STEAP2: variants seen among roughly 807,000 people sequenced by gnomAD.
The protein encoded by STEAP2 is metalloreductase STEAP2.
In STEAP2, 30 loss-of-function variants were observed where a neutral mutation model predicts 46.4. The ratio of observed to expected loss-of-function variants is 0.65; its 90% confidence interval spans 0.48 to 0.88. The LOEUF is 0.88. Among genes scored for constraint, STEAP2 ranks in the 40% least tolerant of loss-of-function variants. The probability of loss-of-function intolerance (pLI) is 0.00; values close to 1 mark genes in which losing one functional copy is unlikely to be tolerated. For synonymous variants in STEAP2, 180 were observed against 200.5 expected (o/e 0.90, Z 0.86); for missense variants, 513 against 579.3 (o/e 0.89, Z 1.18).
At position 90,236,647 on chromosome 7, in the gene STEAP2, G is replaced by T; in HGVS notation, c.*4023G>T. ...TTTTAGTATGAGAAAATTATACAGT[G>T]CTTAATTTTCAGAGATTCTTTCCAT... On this transcript the variant is annotated 3_prime_UTR_variant, in exon 6 of 6. Coordinates refer to ENST00000394621, the MANE Select transcript of STEAP2 (RefSeq NM_001244944.2). 1 of 1,244,582 alleles carries T rather than the reference G, an allele frequency of 8.0e-7. No individual in the cohort carries two copies. Among genetic ancestry groups the T allele is most frequent in the East Asian group, 3.8e-5 (1 of 26,300 alleles). The allele number at this position is 1,244,582 out of a possible 1,614,324, so 77.1% of individuals were successfully genotyped here.
intron 1 of STEAP2, chr7:90,215,277 C>T (rs140111304): frequency 6.6e-6 from 1 of 152,276 alleles, no homozygotes. Context: ...GTGGACAGCC[C>T]TTTCAGAGTT....
rs184224039 is a variant in STEAP2, at chr7:90,236,969, C to T, written c.*4345C>T. ...CCTATTGACTCTACTTCTTTAAAAG[C>T]GGCTGCCCATTACATTCCTCAGCTG... On this transcript the variant is annotated 3_prime_UTR_variant, in exon 6 of 6. Transcript: ENST00000394621. The T allele has an allele frequency of 9.5e-5, 153 of 1,613,756 alleles. No homozygotes were observed. In the East Asian group the frequency reaches 2.4e-3, roughly 26 times the overall value.
chr7:90,229,640 G>A (rs1477314815), intron 4 of STEAP2, among the ~76,000 whole-genome samples: 2 of 152,228 alleles, frequency 1.3e-5, no homozygotes, highest in East Asian at 1.9e-4. Flanking sequence ...ATTCTAGCAC[G>A]TATACAAGGA....
At chr7:90,219,753 G>A (rs768749849) in intron 2 of STEAP2, among the ~76,000 whole-genome samples, 3 of 152,024 alleles carry the variant, frequency 2.0e-5, no homozygotes, top group Non-Finnish European at 4.4e-5. Context: ...TAGGAGACAG[G>A]GTCTTGCTCT....
intron 5 of STEAP2, 111 bp downstream of exon 5, chr7:90,230,147 T>C (rs981636702): frequency 2.0e-6 from 3 of 1,527,244 alleles, no homozygotes; most frequent in African/African-American, 1.4e-5. Context: ...AGGCTGTATT[T>C]ATGCATCTAG....
chr7:90,232,410 AG>A lies in STEAP2; in HGVS notation c.1261del (p.Glu421LysfsTer22), dbSNP rs1442167551. 1 of 1,613,334 alleles carries A rather than the reference AG, an allele frequency of 6.2e-7. No homozygotes were observed. Among genetic ancestry groups the A allele is most frequent in the East Asian group, 2.2e-5 (1 of 44,872 alleles). The stretch of plus-strand genomic sequence containing the variant: ...ATTTATGGATGGAAACGAGCTTTTG[AG>A]GAAGAGTACTACAGATTTTATACAC... The part of the protein sequence containing the change: ...VLIYGWKRAF[E>X]EEYYRFYTPP... On this transcript the variant is annotated frameshift_variant, in exon 6 of 6. Transcript: ENST00000394621. LOFTEE classifies it high-confidence loss of function.
downstream of STEAP2, among the ~76,000 whole-genome samples, chr7:90,237,922 CTTA>C (rs1220869164): frequency 6.6e-6 from 1 of 151,858 alleles, no homozygotes; most frequent in Admixed American, 6.6e-5. Flanking sequence ...GAAATTTTGT[CTTA>C]TTTACTACTA....
chr7:90,235,271 G>A lies in STEAP2; in HGVS notation c.*2647G>A, dbSNP rs561466908. ...TTCAAATGGCACTATCTTCTTTTCA[G>A]TACTACAAAAACAGAATAATTTTGA... On this transcript the variant is annotated 3_prime_UTR_variant, in exon 6 of 6. Coordinates refer to ENST00000394621, the MANE Select transcript of STEAP2 (RefSeq NM_001244944.2). The A allele has an allele frequency of 3.3e-5, 32 of 978,252 alleles. No individual in the cohort carries two copies. In the Admixed American group the frequency reaches 4.9e-4, roughly 15 times the overall value. The allele number at this position is 978,252 out of a possible 1,614,324, so 60.6% of individuals were successfully genotyped here. A position where few individuals can be genotyped will look rare whatever the true frequency, so the allele number is the denominator to read the frequency against.
Position 90,227,022 on chromosome 7 carries a change from G to T in STEAP2, c.544G>T (p.Ala182Ser), listed in dbSNP as rs138677634. ...IQARQQVIEL[A>S]RQLNFIPIDL... ...AGCGCGACAACAGGTTATTGAACTT[G>T]CCCGCCAGTTGAATTTCATTCCCAT... The change falls in exon 4 of 6, where the codon GCC (alanine) becomes TCC (serine). Residue 182 changes from alanine (A) to serine (S), a missense_variant. Coordinates refer to ENST00000394621, the MANE Select transcript of STEAP2 (RefSeq NM_001244944.2). The T allele has an allele frequency of 6.0e-5, 97 of 1,611,156 alleles. No individual in the cohort carries two copies. In the African/African-American group the frequency reaches 1.2e-3, roughly 20 times the overall value.
At position 90,225,074 on chromosome 7, in the gene STEAP2, G is replaced by C. The variant is rs754835961; in HGVS notation, c.-9G>C. 1.9e-6 allele frequency: 3 copies of C among 1,611,152 alleles called. No individual in the cohort carries two copies. Among genetic ancestry groups the C allele is most frequent in the Non-Finnish European group, 2.5e-6 (3 of 1,178,580 alleles). On this transcript the variant is annotated 5_prime_UTR_variant, in exon 3 of 6. Coordinates refer to ENST00000394621, the MANE Select transcript of STEAP2 (RefSeq NM_001244944.2). ...GGATATTCTTGGTGATCTTGGAAGT[G>C]TCCGTATCATGGAATCAATCTCTAT...
Position 90,234,632 on chromosome 7 carries a change from G to T in STEAP2, c.*2008G>T, listed in dbSNP as rs554696520. On this transcript the variant is annotated 3_prime_UTR_variant, in exon 6 of 6. Transcript: ENST00000394621. ...GTGGCACGATCTCGGCTCACTGCAAGCTCTGCCTCCCGGGTTCACGCCATT... is the reference window on the plus strand; with the variant it reads ...GTGGCACGATCTCGGCTCACTGCAATCTCTGCCTCCCGGGTTCACGCCATT... 8.2e-6 allele frequency: 6 copies of T among 735,976 alleles called. No individual in the cohort carries two copies. In the East Asian group the frequency reaches 6.9e-4, roughly 85 times the overall value. 45.6% of individuals were successfully genotyped at this position (735,976 alleles called of 1,614,324 possible).
At chr7:90,219,401 A>G in intron 2 of STEAP2, among the ~76,000 whole-genome samples, 1 of 152,106 alleles carries the variant, frequency 6.6e-6, no homozygotes. Context: ...CCATTTCAAA[A>G]TAATGATAGC....
intron 2 of STEAP2, among the ~76,000 whole-genome samples, chr7:90,223,684 A>G (rs181767470): frequency 2.0e-4 from 30 of 152,320 alleles, no homozygotes; most frequent in African/African-American, 7.2e-4. Flanking sequence ...GATTTCATAC[A>G]TATTATATAA....
chr7:90,225,307 T>C lies in STEAP2; in HGVS notation c.225T>C (p.Asp75=). The C allele has an allele frequency of 6.2e-7, 1 of 1,614,036 alleles. No individual in the cohort carries two copies. The highest frequency in any genetic ancestry group is 8.5e-7 in the Non-Finnish European group (1 of 1,179,964). Residue 75 remains aspartate, a synonymous_variant, in exon 3 of 6, where the codon GAT becomes GAC. Coordinates refer to ENST00000394621, the MANE Select transcript of STEAP2 (RefSeq NM_001244944.2). ...FASEFFPHVV[D]VTHHEDALTK... Reference sequence around the variant, plus strand: ...CTGAATTTTTTCCTCATGTGGTAGATGTCACTCATCATGAAGATGCTCTCA... The same window carrying C: ...CTGAATTTTTTCCTCATGTGGTAGACGTCACTCATCATGAAGATGCTCTCA...
intron 3 of STEAP2, 138 bp from the exon 4 acceptor site, chr7:90,226,833 A>T (rs1795506602): frequency 2.5e-6 from 2 of 790,352 alleles, no homozygotes; most frequent in South Asian, 4.1e-5. Flanking sequence ...TCTGTTAGAT[A>T]CTATAATATA....
chr7:90,211,999 T>A lies in STEAP2; in HGVS notation c.-193T>A, dbSNP rs971963543. 3 of 152,402 alleles carry A rather than the reference T, an allele frequency of 2.0e-5. No homozygotes were observed. Among genetic ancestry groups the A allele is most frequent in the African/African-American group, 7.2e-5 (3 of 41,456 alleles). The allele number at this position is 152,402 out of a possible 1,614,324, so 9.4% of individuals were successfully genotyped here. ...GGAGTCGGCGCCGCTCCCGGGGAGC[T>A]GCAAGGCTCGCCCCTGCCCGGCGTG... On this transcript the variant is annotated 5_prime_UTR_variant, in exon 1 of 6. Coordinates refer to ENST00000394621, the MANE Select transcript of STEAP2 (RefSeq NM_001244944.2).
downstream of STEAP2, among the ~76,000 whole-genome samples, chr7:90,239,455 T>C (rs1796033225): frequency 3.3e-5 from 5 of 152,194 alleles, no homozygotes; most frequent in Admixed American, 2.0e-4. Flanking sequence ...ACAAGGTTCA[T>C]AGAATCAAAA....
rs1011709278 is a variant in STEAP2, at chr7:90,237,164, A to C, written c.*4540A>C. 4.0e-6 allele frequency: 2 copies of C among 498,418 alleles called. No homozygotes were observed. Among genetic ancestry groups the C allele is most frequent in the East Asian group, 3.3e-5 (1 of 29,990 alleles). 30.9% of individuals were successfully genotyped at this position (498,418 alleles called of 1,614,324 possible). ...AGGATCAAAGCCACACCCAAAGAGT[A>C]AGGCAGATTAGAGACCAGAAAGACC... On this transcript the variant is annotated 3_prime_UTR_variant, in exon 6 of 6. Coordinates refer to ENST00000394621, the MANE Select transcript of STEAP2 (RefSeq NM_001244944.2).
intron 1 of STEAP2, among the ~76,000 whole-genome samples, chr7:90,214,638 A>C (rs1430496697): frequency 6.6e-6 from 1 of 151,996 alleles, no homozygotes; most frequent in East Asian, 2.0e-4. Context: ...AGAGCTGAGG[A>C]TCTTTTTAAG....
Sources: allele counts gnomAD v4.1 joint callset (sites outside exome capture counted in the v4.1 genomes callset), GRCh38; gene constraint gnomAD v4.1.1; transcripts MANE v1.5; gene names NCBI Gene and HGNC (gene_info 2026-07-23, HGNC 2026-07-21).